Variants in RBMS3 observed in about 807,000 individuals in gnomAD.
RBMS3 encodes RNA binding motif single stranded interacting protein 3.
Under a neutral mutation model 66.8 loss-of-function variants are expected in RBMS3, and 27 were observed. The observed-to-expected ratio is 0.40, with a 90% CI of 0.30 to 0.56. The LOEUF is 0.56. Among genes scored for constraint, RBMS3 ranks in the 20% least tolerant of loss-of-function variants. The pLI is 0.40. For synonymous variants in RBMS3, 188 were observed against 183.0 expected, an observed-to-expected ratio of 1.03 and a Z score of -0.22; for missense variants, 513 against 549.5, an observed-to-expected ratio of 0.93 and a Z score of 0.66.
intron 2 of RBMS3, among the ~76,000 whole-genome samples, chr3:29,480,922 A>C (rs886653484): frequency 1.3e-5 from 2 of 152,060 alleles, no homozygotes; most frequent in Non-Finnish European, 2.9e-5. Flanking sequence ...AAGGAGAAGC[A>C]GGTCTTCTTT....
intron 4 of RBMS3, among the ~76,000 whole-genome samples, chr3:29,600,408 TTCTCTCTTGCCGTGTTA>T (rs1218053659): frequency 1.3e-5 from 2 of 152,038 alleles, no homozygotes; most frequent in African/African-American, 4.8e-5. Flanking sequence ...CACTTTGACC[TTCTCTCTTGCCGTGTTA>T]TCTTTGCACA....
rs537396449 is a variant in RBMS3, at chr3:29,644,432, A to G, written c.399+57227A>G. 2.6e-5 allele frequency among the ~76,000 whole-genome samples: 4 copies of G among 152,266 alleles called. No homozygotes were observed. The East Asian group carries it at 5.8e-4, about 22-fold the overall frequency. ...GGTGTGCCTCCATGCACAGACAAGA[A>G]CTGTTGCTGAATCATAAGTATATTT... is the stretch of plus-strand genomic sequence containing the variant. On this transcript the variant is annotated intron_variant, in intron 4 of 14. Transcript: ENST00000383767.
chr3:30,008,283 T>C lies in RBMS3; in HGVS notation c.*4421T>C, dbSNP rs1284868076. On this transcript the variant is annotated 3_prime_UTR_variant, in exon 15 of 15. Transcript: ENST00000383767. Reference sequence around the variant, plus strand: ...TAGGAGATTAAAATACATTTGGCAATTCATTTTCATTCTTAATTTGAGTGC... The same window carrying C: ...TAGGAGATTAAAATACATTTGGCAACTCATTTTCATTCTTAATTTGAGTGC... 1.3e-5 allele frequency: 2 copies of C among 152,186 alleles called. No individual in the cohort carries two copies. Among genetic ancestry groups the C allele is most frequent in the East Asian group, 3.9e-4 (2 of 5,176 alleles). 9.4% of individuals were successfully genotyped at this position (152,186 alleles called of 1,614,324 possible).
At chr3:29,929,435 T>C (rs912367139) in intron 10 of RBMS3, among the ~76,000 whole-genome samples, 1 of 152,188 alleles carries the variant, frequency 6.6e-6, no homozygotes, top group Non-Finnish European at 1.5e-5. Flanking sequence ...CTTTATATTC[T>C]CATTCAAAAT....
chr3:29,832,066 C>G (rs1576939847), intron 6 of RBMS3, among the ~76,000 whole-genome samples: 1 of 151,982 alleles, frequency 6.6e-6, no homozygotes, highest in Non-Finnish European at 1.5e-5. Flanking sequence ...AATTATTGAA[C>G]CTGCTGTAAA....
chr3:29,535,015 A>T (rs2045500305), intron 3 of RBMS3, among the ~76,000 whole-genome samples: 1 of 152,228 alleles, frequency 6.6e-6, no homozygotes, highest in Non-Finnish European at 1.5e-5. Flanking sequence ...TGCTAAACTA[A>T]ATACCAAAGG....
intron 10 of RBMS3, among the ~76,000 whole-genome samples, chr3:29,921,133 G>A (rs1359796368): frequency 2.0e-5 from 3 of 152,090 alleles, no homozygotes; most frequent in Admixed American, 2.0e-4. Flanking sequence ...CGTGATCTCA[G>A]CTCACTGTAA....
At chr3:29,438,028 T>TTCTCTCTCTCTCTCTCTCTCTC (rs34431369) in intron 2 of RBMS3, among the ~76,000 whole-genome samples, 3 of 142,556 alleles carry the variant, frequency 2.1e-5, no homozygotes, top group South Asian at 2.4e-4. Flanking sequence ...CCTTGCTTGT[T>TTCTCTCTCTCTCTCTCTCTCTC]TCTCTCTCTC....
intron 4 of RBMS3, chr3:29,614,330 G>A (rs2048586593): frequency 6.6e-6 from 1 of 152,084 alleles, no homozygotes; most frequent in African/African-American, 2.4e-5. Flanking sequence ...ACAGGAATTA[G>A]AAAGGCGGTG....
chr3:29,546,823 T>C (rs2045969230), intron 3 of RBMS3, among the ~76,000 whole-genome samples: 1 of 152,182 alleles, frequency 6.6e-6, no homozygotes, highest in Non-Finnish European at 1.5e-5. Context: ...CACCTCTTCC[T>C]ACCTGAATCA....
At chr3:29,351,002 G>GTA (rs144931291) in intron 1 of RBMS3, among the ~76,000 whole-genome samples, 1,928 of 151,252 alleles carry the variant, frequency 0.013, 30 homozygotes, top group African/African-American at 0.044. Context: ...AATATTATGT[G>GTA]TATATATATA....
Position 29,719,822 on chromosome 3 carries a change from A to C in RBMS3, c.400-19898A>C, listed in dbSNP as rs561768571. 4.6e-5 allele frequency among the ~76,000 whole-genome samples: 7 copies of C among 152,244 alleles called. No homozygotes were observed. The South Asian group carries it at 1.5e-3, about 32-fold the overall frequency. On this transcript the variant is annotated intron_variant, in intron 4 of 14. Transcript: ENST00000383767. ...GATTTCTTAATCCACTTTTCTTTATAACTATCTTCACTAATATATCCAGAA... is the reference window on the plus strand; with the variant it reads ...GATTTCTTAATCCACTTTTCTTTATCACTATCTTCACTAATATATCCAGAA...
intron 6 of RBMS3, among the ~76,000 whole-genome samples, chr3:29,772,915 G>A (rs959802121): frequency 6.6e-6 from 1 of 151,942 alleles, no homozygotes; most frequent in African/African-American, 2.4e-5. Context: ...AAGAAGCTTT[G>A]GGAAGTCCTT....
intron 8 of RBMS3, among the ~76,000 whole-genome samples, chr3:29,892,159 G>A (rs140056499): frequency 6.1e-4 from 93 of 151,548 alleles, no homozygotes; most frequent in African/African-American, 2.0e-3. Context: ...TCTGGAGGAC[G>A]GTTGCCTTTA....
intron 6 of RBMS3, among the ~76,000 whole-genome samples, chr3:29,803,855 T>A (rs1490076560): frequency 6.6e-6 from 1 of 152,132 alleles, no homozygotes; most frequent in Non-Finnish European, 1.5e-5. Flanking sequence ...TTATTGTAAT[T>A]ATTGTCAAAT....
chr3:29,333,931 T>A (rs978868080), intron 1 of RBMS3, among the ~76,000 whole-genome samples: 2 of 152,164 alleles, frequency 1.3e-5, no homozygotes, highest in African/African-American at 4.8e-5. Flanking sequence ...GACAGAATGG[T>A]TAAGTGCTCA....
intron 10 of RBMS3, among the ~76,000 whole-genome samples, chr3:29,916,898 T>C (rs9841347): frequency 0.1 from 15,447 of 152,032 alleles, 1,544 homozygotes; most frequent in African/African-American, 0.26. Flanking sequence ...GAAATGTTTT[T>C]AGCAGAATCA....
chr3:29,350,021 A>C (rs992412272), intron 1 of RBMS3, among the ~76,000 whole-genome samples: 4 of 152,182 alleles, frequency 2.6e-5, no homozygotes, highest in African/African-American at 9.6e-5. Flanking sequence ...TTAGCTGGGC[A>C]TGGTGGCACA....
At chr3:29,754,875 G>C (rs927063732) in intron 5 of RBMS3, among the ~76,000 whole-genome samples, 2 of 152,144 alleles carry the variant, frequency 1.3e-5, no homozygotes, top group Non-Finnish European at 2.9e-5. Context: ...GAGAAAGCTG[G>C]TCAGGAACAA....
Sources: gnomAD v4.1 joint callset for allele counts (sites outside exome capture counted in the v4.1 genomes callset) on GRCh38, gnomAD v4.1.1 for gene constraint, MANE v1.5 for transcripts, NCBI Gene and HGNC (gene_info 2026-07-23, HGNC 2026-07-21) for gene names.